Variants in CPAMD8 observed in about 807,000 individuals in gnomAD.
The protein encoded by CPAMD8 is C3 and PZP-like alpha-2-macroglobulin domain-containing protein 8.
Under a neutral mutation model 224.7 loss-of-function variants are expected in CPAMD8, and 146 were observed. The observed-to-expected ratio is 0.65, with a 90% CI of 0.57 to 0.75. The LOEUF (loss-of-function observed/expected upper bound fraction) is 0.75. Among genes scored for constraint, CPAMD8 ranks in the 30% least tolerant of loss-of-function variants. The pLI is 0.00. For synonymous variants in CPAMD8, 966 were observed against 1,044.6 expected (o/e 0.92, Z 1.45); for missense variants, 2,301 against 2,537.5 (o/e 0.91, Z 2.00).
intron 14 of CPAMD8, among the ~76,000 whole-genome samples, chr19:16,979,785 T>C (rs1296705192): frequency 6.6e-6 from 1 of 151,150 alleles, no homozygotes; most frequent in African/African-American, 2.4e-5. Context: ...AGTGCCAAGG[T>C]TGAGAAACCT....
At chr19:16,925,608 T>G (rs1460808465) in intron 25 of CPAMD8, among the ~76,000 whole-genome samples, 4 of 152,220 alleles carry the variant, frequency 2.6e-5, no homozygotes, top group Non-Finnish European at 5.9e-5. Flanking sequence ...CTCTAGCTTT[T>G]CATTCTGTTC....
At chr19:16,933,276 G>T (rs1160193391) in intron 23 of CPAMD8, among the ~76,000 whole-genome samples, 2 of 151,478 alleles carry the variant, frequency 1.3e-5, no homozygotes, top group Non-Finnish European at 2.9e-5. Context: ...GTTTAGCAAA[G>T]ATTTCTTAAA....
chr19:16,908,907 C>T (rs542972068), intron 29 of CPAMD8, among the ~76,000 whole-genome samples: 1 of 152,114 alleles, frequency 6.6e-6, no homozygotes, highest in Non-Finnish European at 1.5e-5. Context: ...ATGGGAGTTA[C>T]CCCAGGTCAC....
intron 14 of CPAMD8, among the ~76,000 whole-genome samples, chr19:16,977,943 G>A (rs2055341496): frequency 6.6e-6 from 1 of 152,128 alleles, no homozygotes; most frequent in Admixed American, 6.6e-5. Context: ...CTGTCTTGCT[G>A]GGGCCTGGGG....
intron 18 of CPAMD8, 36 bp from the exon 19 acceptor site, chr19:16,957,951 T>C (rs1029415790): frequency 3.8e-6 from 6 of 1,585,364 alleles, no homozygotes; most frequent in South Asian, 1.1e-5. Context: ...TAAGGTTTCA[T>C]GAACATAACA....
At position 16,897,761 on chromosome 19, in the gene CPAMD8, G is replaced by A. The variant is rs765223099; in HGVS notation, c.4995C>T (p.Ser1665=). 6.3e-7 allele frequency: 1 copy of A among 1,584,104 alleles called. No homozygotes were observed. Among genetic ancestry groups the A allele is most frequent in the Non-Finnish European group, 8.6e-7 (1 of 1,167,472 alleles). ...ATRFYNVSTH[S]PLARELCAGP... is the part of the protein sequence containing the mutation. Reference sequence around the variant, plus strand: ...CGGCGCACAGTTCCCGGGCGAGTGGGCTGTGGGTGCTGACGTTGTAGAAGC... The same window carrying A: ...CGGCGCACAGTTCCCGGGCGAGTGGACTGTGGGTGCTGACGTTGTAGAAGC... The change falls in exon 39 of 42, where the codon AGC becomes AGT. Residue 1665 remains serine, a synonymous_variant. Coordinates refer to ENST00000443236, the MANE Select transcript of CPAMD8 (RefSeq NM_015692.5).
rs1386617091 is a variant in CPAMD8 at position 16,898,148 on chromosome 19, T to C, written c.4849-154A>G. On this transcript the variant is annotated intron_variant, in intron 37 of 41. Transcript: ENST00000443236. This position sits in a 1 kb window ranked among gnomAD's most constrained non-coding sequence, Gnocchi z 4.2. ...TTCTTTTTTTCTTTTACTTTTCTTT[T>C]TTTTTTTTTTTCCTGAGACAGAGTC... 8 of 586,674 alleles carry C rather than the reference T, an allele frequency of 1.4e-5. No individual in the cohort carries two copies. Among genetic ancestry groups the C allele is most frequent in the South Asian group, 8.7e-5 (4 of 46,064 alleles). The allele number at this position is 586,674 out of a possible 1,614,324, so 36.3% of individuals were successfully genotyped here.
intron 18 of CPAMD8, among the ~76,000 whole-genome samples, chr19:16,961,836 A>G (rs953649660): frequency 3.1e-4 from 47 of 152,300 alleles, no homozygotes; most frequent in African/African-American, 9.6e-4. Context: ...TCAGGCAGCA[A>G]TATTTGCTGT....
chr19:16,984,328 AAAAG>A lies in CPAMD8; in HGVS notation c.1396-3646_1396-3643del, dbSNP rs1412343084. 9.6e-4 allele frequency among the ~76,000 whole-genome samples: 137 copies of A among 142,718 alleles called. 1 individual carries two copies. Among genetic ancestry groups the A allele is most frequent in the African/African-American group, 3.8e-3 (130 of 34,474 alleles). 93.6% of individuals were successfully genotyped at this position (142,718 alleles called of 152,430 possible). A position where few individuals can be genotyped will look rare whatever the true frequency, so the allele number is the denominator to read the frequency against. On this transcript the variant is annotated intron_variant, in intron 13 of 41. Coordinates refer to ENST00000443236, the MANE Select transcript of CPAMD8 (RefSeq NM_015692.5). ...GGTCCTATCTCAAAAAAAAAAAAAA[AAAAG>A]AGAGAGAGAGAGAGAGAGAGAATGA...
intron 23 of CPAMD8, among the ~76,000 whole-genome samples, chr19:16,933,155 T>C (rs1249126445): frequency 6.6e-6 from 1 of 151,874 alleles, no homozygotes; most frequent in African/African-American, 2.4e-5. Context: ...TGCAGAAACA[T>C]AAACTTTGAT....
chr19:16,903,621 G>A lies in CPAMD8; in HGVS notation c.4410C>T (p.Ile1470=), dbSNP rs902330079. The A allele has an allele frequency of 3.7e-6, 6 of 1,614,088 alleles. No individual in the cohort carries two copies. The highest frequency in any genetic ancestry group is 2.5e-6 in the Non-Finnish European group (3 of 1,180,014). Residue 1470 remains isoleucine (I), a splice_region_variant and synonymous_variant, in exon 34 of 42, where the codon ATC becomes ATT. Transcript: ENST00000443236. The stretch of plus-strand genomic sequence containing the variant: ...CAAACAGCCCCGTGGGGAGGCTGGG[G>A]ATCTGGAGACAGAAGTCACCGTGAG... The part of the protein sequence containing the change: ...TNQKVLQTAA[I]PSLPTGLFVS...
intron 41 of CPAMD8, 134 bp from the exon 42 acceptor site, chr19:16,893,473 G>C (rs911493649): frequency 1.6e-6 from 1 of 613,806 alleles, no homozygotes; most frequent in Admixed American, 3.0e-5. Context: ...GGCAGCCTCA[G>C]ACCTTGATCT....
In CPAMD8 at chr19:17,022,115, G is replaced by A; in HGVS notation, c.159C>T (p.Ile53=). The A allele has an allele frequency of 6.2e-7, 1 of 1,606,936 alleles. No homozygotes were observed. The highest frequency in any genetic ancestry group is 8.5e-7 in the Non-Finnish European group (1 of 1,176,552). Residue 53 remains isoleucine, a synonymous_variant, in exon 2 of 42, where the codon ATC becomes ATT. Coordinates refer to ENST00000443236, the MANE Select transcript of CPAMD8 (RefSeq NM_015692.5). ...AGVEEVISVT[I]FNSPREVTVQ... ...CCGTGACTTCCCTTGGAGAGTTAAA[G>A]ATGGTCACGCTGATGACTTCCTCCA...
intron 15 of CPAMD8, among the ~76,000 whole-genome samples, chr19:16,976,721 G>A (rs1489077292): frequency 2.0e-5 from 3 of 151,958 alleles, no homozygotes; most frequent in East Asian, 3.9e-4. Flanking sequence ...AGGTGCTGGC[G>A]GAGAGCCTGT....
At chr19:16,938,263 C>T (rs1033481838) in intron 23 of CPAMD8, 132 bp downstream of exon 23, 4 of 544,136 alleles carry the variant, frequency 7.4e-6, no homozygotes, top group Non-Finnish European at 1.3e-5. Context: ...AACCACAGTG[C>T]CCCCTTCCCA....
At chr19:16,944,099 C>T (rs1023568297) in intron 22 of CPAMD8, among the ~76,000 whole-genome samples, 7 of 152,158 alleles carry the variant, frequency 4.6e-5, no homozygotes, top group East Asian at 1.9e-4. Context: ...CATGATGGGC[C>T]GTGCACAGAT....
intron 13 of CPAMD8, among the ~76,000 whole-genome samples, chr19:16,989,433 C>T (rs533435543): frequency 1.8e-4 from 28 of 152,174 alleles, no homozygotes; most frequent in African/African-American, 2.4e-4. Flanking sequence ...ATTACAGGCA[C>T]GCACCACCAC....
Position 16,896,763 on chromosome 19 carries a change from C to G in CPAMD8, c.5066-98G>C, listed in dbSNP as rs1249189147. The G allele has an allele frequency of 1.2e-5, 10 of 846,520 alleles. No individual in the cohort carries two copies. In the Admixed American group the frequency reaches 3.2e-4, roughly 27 times the overall value. The allele number at this position is 846,520 out of a possible 1,614,324, so 52.4% of individuals were successfully genotyped here. A position where few individuals can be genotyped will look rare whatever the true frequency, so the allele number is the denominator to read the frequency against. On this transcript the variant is annotated intron_variant, in intron 39 of 41. Coordinates refer to ENST00000443236, the MANE Select transcript of CPAMD8 (RefSeq NM_015692.5). ...GGGAAGATGTCCCTGGGTCCCGGGC[C>G]CACTACCCCCTCGGTGGGTCTTGGG...
rs761040131 is a variant in CPAMD8, at chr19:16,975,226, A to G, written c.1941T>C (p.Ser647=). 3.1e-6 allele frequency: 5 copies of G among 1,609,104 alleles called. No homozygotes were observed. Among genetic ancestry groups the G allele is most frequent in the Non-Finnish European group, 3.4e-6 (4 of 1,177,620 alleles). Reference sequence around the variant, plus strand: ...CCTCCCTGGACACGCCAAAGGAATCAGAAACATCATAATCTTCCAGTTCCT... The same window carrying G: ...CCTCCCTGGACACGCCAAAGGAATCGGAAACATCATAATCTTCCAGTTCCT... ...VFQELEDYDV[S]DSFGVSREDG... The change falls in exon 17 of 42, where the codon TCT becomes TCC. Residue 647 remains serine (S), a synonymous_variant. Coordinates refer to ENST00000443236, the MANE Select transcript of CPAMD8 (RefSeq NM_015692.5).
Sources: gnomAD v4.1 joint callset for allele counts (sites outside exome capture counted in the v4.1 genomes callset) on GRCh38, gnomAD v4.1.1 for gene constraint, Gnocchi (gnomAD v3.1) non-coding constraint, MANE v1.5 for transcripts, NCBI Gene and HGNC (gene_info 2026-07-23, HGNC 2026-07-21) for gene names.